Variants in CTNNA3 observed in about 807,000 individuals in gnomAD.
CTNNA3 encodes the protein catenin alpha 3, also known as catenin alpha-3.
In CTNNA3, 76 loss-of-function variants were observed where a neutral mutation model predicts 95.7. The ratio of observed to expected loss-of-function variants is 0.79; its 90% CI spans 0.66 to 0.96. The LOEUF (loss-of-function observed/expected upper bound fraction) is 0.96. Ranked by LOEUF, CTNNA3 falls within the 40% of genes least tolerant of loss-of-function variation. The pLI is 0.00. For missense variants in CTNNA3, 1,191 were observed against 1,089.8 expected, an observed-to-expected ratio of 1.09 and a Z score of -1.31; for synonymous variants, 431 against 374.4, an observed-to-expected ratio of 1.15 and a Z score of -1.74.
intron 11 of CTNNA3, among the ~76,000 whole-genome samples, chr10:66,495,122 T>C (rs1564490268): frequency 6.6e-6 from 1 of 152,206 alleles, no homozygotes; most frequent in African/African-American, 2.4e-5. Context: ...TAAATGTATC[T>C]ATTTATCAGT....
At chr10:66,374,285 G>C (rs1404436781) in intron 12 of CTNNA3, among the ~76,000 whole-genome samples, 2 of 152,136 alleles carry the variant, frequency 1.3e-5, no homozygotes, top group Non-Finnish European at 2.9e-5. Flanking sequence ...CAAGCTCATA[G>C]TAATACAGAT....
intron 7 of CTNNA3, among the ~76,000 whole-genome samples, chr10:67,060,421 C>A (rs1855695465): frequency 6.6e-6 from 1 of 152,198 alleles, no homozygotes; most frequent in African/African-American, 2.4e-5. Flanking sequence ...GAAGCACTTT[C>A]ATGAAATTTT....
chr10:66,348,580 C>G (rs1443330080), intron 12 of CTNNA3, among the ~76,000 whole-genome samples: 1 of 152,024 alleles, frequency 6.6e-6, no homozygotes, highest in African/African-American at 2.4e-5. Flanking sequence ...CTTGGGTCAA[C>G]TTAATAGTAA....
intron 7 of CTNNA3, among the ~76,000 whole-genome samples, chr10:66,833,697 T>C (rs1177380482): frequency 6.6e-6 from 1 of 152,186 alleles, no homozygotes. Flanking sequence ...GTCAAATACA[T>C]GACTGAGATG....
chr10:66,971,298 A>C (rs113552695), intron 7 of CTNNA3, among the ~76,000 whole-genome samples: 34,783 of 151,872 alleles, frequency 0.23, 4,515 homozygotes, highest in Middle Eastern at 0.3. Context: ...TGGTTGTGTG[A>C]GCCTGTAATT....
At chr10:67,383,419 C>G (rs1449958754) in intron 5 of CTNNA3, among the ~76,000 whole-genome samples, 1 of 152,108 alleles carries the variant, frequency 6.6e-6, no homozygotes, top group Non-Finnish European at 1.5e-5. Context: ...GAAACTAAAG[C>G]TCAGAAAGAT....
intron 5 of CTNNA3, among the ~76,000 whole-genome samples, chr10:67,265,811 C>T (rs978694255): frequency 6.6e-6 from 1 of 152,190 alleles, no homozygotes; most frequent in South Asian, 2.1e-4. Flanking sequence ...CTTCCACACA[C>T]ATAAGGAATC....
At chr10:67,305,335 G>A (rs149488428) in intron 5 of CTNNA3, among the ~76,000 whole-genome samples, 2,182 of 140,702 alleles carry the variant, frequency 0.016, 50 homozygotes, top group African/African-American at 0.056. Flanking sequence ...TGCGCAATGT[G>A]CACATGTACC....
intron 9 of CTNNA3, among the ~76,000 whole-genome samples, chr10:66,703,672 T>C (rs1848026283): frequency 6.6e-6 from 1 of 152,204 alleles, no homozygotes; most frequent in Non-Finnish European, 1.5e-5. Flanking sequence ...TGCAAGCTTT[T>C]GCTTTTCAGA....
At chr10:66,100,738 C>A (rs536910489) in intron 14 of CTNNA3, among the ~76,000 whole-genome samples, 1 of 152,208 alleles carries the variant, frequency 6.6e-6, no homozygotes, top group Admixed American at 6.5e-5. Context: ...CTGGCCTATA[C>A]TTTGGACCAA....
chr10:66,040,900 A>T (rs1249121037), intron 15 of CTNNA3, among the ~76,000 whole-genome samples: 2 of 152,204 alleles, frequency 1.3e-5, no homozygotes, highest in Non-Finnish European at 2.9e-5. Flanking sequence ...CTACCAATGG[A>T]TGTCCAAATT....
intron 10 of CTNNA3, among the ~76,000 whole-genome samples, chr10:66,595,745 TCCCC>T: frequency 6.6e-6 from 1 of 152,160 alleles, no homozygotes; most frequent in African/African-American, 2.4e-5. Flanking sequence ...CAAATGATCC[TCCCC>T]CCTTAGCCTC....
intron 13 of CTNNA3, among the ~76,000 whole-genome samples, chr10:66,215,440 C>T (rs1252950039): frequency 6.6e-6 from 1 of 152,176 alleles, no homozygotes; most frequent in African/African-American, 2.4e-5. Context: ...TTTGAGGAAA[C>T]TACCCACTTC....
chr10:66,992,301 C>G (rs1274192006), intron 7 of CTNNA3, among the ~76,000 whole-genome samples: 3 of 151,854 alleles, frequency 2.0e-5, no homozygotes, highest in Admixed American at 6.6e-5. Flanking sequence ...TTTATTTGTC[C>G]TTTGGTTTTG....
chr10:67,726,464 T>C lies in CTNNA3; in HGVS notation c.-2+36970A>G, dbSNP rs569382247. On this transcript the variant is annotated intron_variant, in intron 1 of 17. Transcript: ENST00000684154. ...AATATATAATATTATATATGATATA[T>C]GATATAATATTATATATTATATCAT... Among the ~76,000 whole-genome samples the C allele has an allele frequency of 1.6e-3, 66 of 41,278 alleles. 2 individuals carry two copies. Among genetic ancestry groups the C allele is most frequent in the Middle Eastern group, 0.038 (1 of 26 alleles). The allele number at this position is 41,278 out of a possible 152,430, so 27.1% of individuals were successfully genotyped here. A position where few individuals can be genotyped will look rare whatever the true frequency, so the allele number is the denominator to read the frequency against.
intron 12 of CTNNA3, among the ~76,000 whole-genome samples, chr10:66,359,102 A>G (rs1017251041): frequency 6.6e-6 from 1 of 152,188 alleles, no homozygotes; most frequent in Non-Finnish European, 1.5e-5. Flanking sequence ...TTTTGACTGA[A>G]GAAACAAGTA....
chr10:67,709,311 G>A (rs1445705347), intron 1 of CTNNA3, among the ~76,000 whole-genome samples: 2 of 152,038 alleles, frequency 1.3e-5, no homozygotes, highest in East Asian at 3.9e-4. Context: ...AAAATACTAC[G>A]TGTTTATGAG....
chr10:66,024,761 G>A (rs996581000), intron 15 of CTNNA3, among the ~76,000 whole-genome samples: 1 of 152,174 alleles, frequency 6.6e-6, no homozygotes, highest in African/African-American at 2.4e-5. Flanking sequence ...ACTAATCTAT[G>A]ACAAGCCTGA....
At chr10:66,537,304 T>A (rs182894879) in intron 10 of CTNNA3, among the ~76,000 whole-genome samples, 25 of 152,206 alleles carry the variant, frequency 1.6e-4, no homozygotes, top group African/African-American at 5.8e-4. Context: ...CCAGACCACA[T>A]CTTTATGTCA....
Sources: allele counts gnomAD v4.1 joint callset (sites outside exome capture counted in the v4.1 genomes callset), GRCh38; gene constraint gnomAD v4.1.1; transcripts MANE v1.5; gene names NCBI Gene and HGNC (gene_info 2026-07-23, HGNC 2026-07-21).